The following TENM3 variants were observed in gnomAD, a reference collection of about 807,000 sequenced individuals.
The protein encoded by TENM3 is teneurin-3.
In TENM3, 63 loss-of-function variants were observed where a neutral mutation model predicts 255.1. The ratio of observed to expected loss-of-function variants is 0.25; its 90% confidence interval spans 0.20 to 0.30. The LOEUF is 0.30. TENM3 is among the 10% of genes least tolerant of loss of function. The pLI, the probability that TENM3 is intolerant of heterozygous loss-of-function variation, is 1.00. For synonymous variants in TENM3, 1,306 were observed against 1,322.3 expected (o/e 0.99, Z 0.27); for missense variants, 2,929 against 3,461.1 (o/e 0.85, Z 3.86).
intron 24 of TENM3, among the ~76,000 whole-genome samples, chr4:182,783,708 A>T (rs1023617998): frequency 6.9e-6 from 1 of 144,362 alleles, no homozygotes; most frequent in Non-Finnish European, 1.5e-5. Flanking sequence ...AGACGTAGAT[A>T]CGGTCTTTTC....
chr4:181,601,258 T>A, the TENM3 span, among the ~76,000 whole-genome samples: 1 of 152,252 alleles, frequency 6.6e-6, no homozygotes, highest in Non-Finnish European at 1.5e-5. Flanking sequence ...CTCTACTCCA[T>A]ACCTCTCTTC....
the TENM3 span, among the ~76,000 whole-genome samples, chr4:181,574,447 C>G: frequency 2.6e-5 from 4 of 151,492 alleles, no homozygotes; most frequent in African/African-American, 9.7e-5. Flanking sequence ...AGGAGAATGG[C>G]GTGAACCCGG....
chr4:182,139,122 T>C (rs1749212743), upstream of TENM3, among the ~76,000 whole-genome samples: 2 of 152,000 alleles, frequency 1.3e-5, no homozygotes, highest in African/African-American at 4.8e-5. Context: ...AGGCATAAGG[T>C]TGAGCCCCTA....
chr4:182,027,041 C>CT, the TENM3 span, among the ~76,000 whole-genome samples: 1 of 151,938 alleles, frequency 6.6e-6, no homozygotes, highest in African/African-American at 2.4e-5. Context: ...CTATAGATTG[C>CT]TTTGGGTAGG....
chr4:181,586,612 C>T, the TENM3 span, among the ~76,000 whole-genome samples: 871 of 152,130 alleles, frequency 5.7e-3, 11 homozygotes, highest in African/African-American at 0.02. Context: ...GAGGCTGAGG[C>T]GGGTGGATCA....
At chr4:181,554,415 T>C in the TENM3 span, among the ~76,000 whole-genome samples, 3 of 152,222 alleles carry the variant, frequency 2.0e-5, no homozygotes, top group African/African-American at 7.2e-5. Context: ...TGGTTACAAT[T>C]ACATGCATAA....
intron 2 of TENM3, among the ~76,000 whole-genome samples, chr4:182,335,404 A>G (rs1328006392): frequency 4.4e-5 from 6 of 137,404 alleles, no homozygotes; most frequent in Non-Finnish European, 4.7e-5. Context: ...CTGAGGCAGG[A>G]GAATGGCGTG....
In TENM3 at chr4:182,208,366, C is replaced by A. The variant is rs1450139; in HGVS notation, c.-76+63612C>A. On this transcript the variant is annotated intron_variant, in intron 1 of 2. Transcript: ENST00000512480. ...CATCTCAAGAGCAACAATTACTTCT[C>A]ATGAAGACTCTAGGGCAGGAGTCAG... 5.8e-3 allele frequency among the ~76,000 whole-genome samples: 880 copies of A among 152,284 alleles called. 10 individuals carry two copies. Among genetic ancestry groups the A allele is most frequent in the African/African-American group, 0.02 (817 of 41,562 alleles).
chr4:181,986,365 C>T, the TENM3 span, among the ~76,000 whole-genome samples: 1 of 152,014 alleles, frequency 6.6e-6, no homozygotes, highest in Non-Finnish European at 1.5e-5. Flanking sequence ...CACCATTTCA[C>T]CTCTTCTAGA....
At chr4:181,544,757 A>G in the TENM3 span, among the ~76,000 whole-genome samples, 3 of 152,238 alleles carry the variant, frequency 2.0e-5, no homozygotes, top group Admixed American at 2.0e-4. Flanking sequence ...ACTATACTAC[A>G]GTGTTCATAA....
the TENM3 span, among the ~76,000 whole-genome samples, chr4:181,480,629 T>C: frequency 6.6e-5 from 10 of 151,862 alleles, no homozygotes; most frequent in Non-Finnish European, 1.0e-4. Context: ...TTTTGGTATA[T>C]GTTTAAAAGT....
chr4:182,331,290 A>G (rs912329457), intron 2 of TENM3, among the ~76,000 whole-genome samples: 22 of 152,302 alleles, frequency 1.4e-4, no homozygotes, highest in African/African-American at 5.1e-4. Flanking sequence ...TTACACCTGT[A>G]ATCCCAGCAC....
the TENM3 span, among the ~76,000 whole-genome samples, chr4:181,545,426 C>T: frequency 0.044 from 6,723 of 152,010 alleles, 226 homozygotes; most frequent in South Asian, 0.15. Context: ...CAAGAAGTAA[C>T]GGAAAGAAAA....
At chr4:182,620,978 G>A (rs1477649574) in intron 4 of TENM3, among the ~76,000 whole-genome samples, 5 of 152,112 alleles carry the variant, frequency 3.3e-5, no homozygotes, top group Non-Finnish European at 7.4e-5. Context: ...TCAGGAGATC[G>A]AGACCATCCT....
At chr4:182,592,031 G>A (rs1267524778) in intron 3 of TENM3, among the ~76,000 whole-genome samples, 1 of 151,730 alleles carries the variant, frequency 6.6e-6, no homozygotes, top group East Asian at 1.9e-4. Context: ...TCTGCAATGT[G>A]TGTGAGATTT....
In TENM3 at chr4:182,186,966, A is replaced by G. The variant is rs576788727; in HGVS notation, c.-76+42212A>G. On this transcript the variant is annotated intron_variant, in intron 1 of 2. Transcript: ENST00000512480. ...TAATAAATGTAATTAGTTCAGTTTT[A>G]TGCTTTGCCTTTTTTTAATAGTGAA... 1.4e-3 allele frequency among the ~76,000 whole-genome samples: 210 copies of G among 150,958 alleles called. 1 individual carries two copies. The highest frequency in any genetic ancestry group is 4.8e-3 in the African/African-American group (197 of 41,226).
the TENM3 span, among the ~76,000 whole-genome samples, chr4:182,131,421 C>A: frequency 6.6e-6 from 1 of 152,098 alleles, no homozygotes; most frequent in Admixed American, 6.5e-5. Context: ...TTTACTAAGT[C>A]TTTTGTTAAA....
At chr4:182,186,425 G>A (rs1431589952) in intron 1 of TENM3, among the ~76,000 whole-genome samples, 2 of 151,858 alleles carry the variant, frequency 1.3e-5, no homozygotes, top group Non-Finnish European at 2.9e-5. Flanking sequence ...CTTCTAATAT[G>A]TATATATCGA....
the TENM3 span, among the ~76,000 whole-genome samples, chr4:181,784,080 C>T: frequency 2.0e-5 from 3 of 152,034 alleles, no homozygotes; most frequent in Non-Finnish European, 1.5e-5. Flanking sequence ...CTGGCTAGGA[C>T]ATCCAAAACA....
Sources: allele counts gnomAD v4.1 joint callset (sites outside exome capture counted in the v4.1 genomes callset), GRCh38; gene constraint gnomAD v4.1.1; transcripts MANE v1.5; gene names NCBI Gene and HGNC (gene_info 2026-07-23, HGNC 2026-07-21).